CAMKMT: variants seen among roughly 807,000 people sequenced by gnomAD.
The protein encoded by CAMKMT is calmodulin-lysine N-methyltransferase.
CAMKMT carries 53 observed loss-of-function variants against 48.0 expected under a neutral mutation model. The ratio of observed to expected loss-of-function variants is 1.10; its 90% confidence interval spans 0.89 to 1.39. The LOEUF (loss-of-function observed/expected upper bound fraction) is 1.39, where lower values mean the gene tolerates loss of function less well. Ranked by LOEUF, CAMKMT falls within the 40% of genes most tolerant of loss-of-function variation. CAMKMT has a pLI of 0.00. For missense variants in CAMKMT, 428 were observed against 402.7 expected, an observed-to-expected ratio of 1.06 and a Z score of -0.54; for synonymous variants, 165 against 152.3, an observed-to-expected ratio of 1.08 and a Z score of -0.61.
At chr2:44,416,305 A>G (rs549393546) in intron 3 of CAMKMT, among the ~76,000 whole-genome samples, 1 of 152,322 alleles carries the variant, frequency 6.6e-6, no homozygotes, top group Non-Finnish European at 1.5e-5. Context: ...ATCAGCTTTA[A>G]TGAGATATAA....
intron 9 of CAMKMT, among the ~76,000 whole-genome samples, chr2:44,756,540 G>A (rs1680388635): frequency 6.6e-6 from 1 of 151,928 alleles, no homozygotes; most frequent in Non-Finnish European, 1.5e-5. Flanking sequence ...AGGAGATCGA[G>A]ACCATCCTGG....
At chr2:44,722,983 C>T (rs1032770719) in intron 7 of CAMKMT, among the ~76,000 whole-genome samples, 1 of 152,182 alleles carries the variant, frequency 6.6e-6, no homozygotes, top group African/African-American at 2.4e-5. Context: ...CTCTTTTGGA[C>T]TCTGAAATAA....
chr2:44,485,724 T>C (rs887883369), intron 3 of CAMKMT, among the ~76,000 whole-genome samples: 2 of 152,164 alleles, frequency 1.3e-5, no homozygotes, highest in African/African-American at 2.4e-5. Context: ...GATATTATAA[T>C]CTGAAGGGAC....
At chr2:44,440,433 C>A (rs959567712) in intron 3 of CAMKMT, among the ~76,000 whole-genome samples, 10 of 152,098 alleles carry the variant, frequency 6.6e-5, no homozygotes, top group Non-Finnish European at 1.5e-4. Context: ...ATTTGAAAAC[C>A]AGATCCTACC....
intron 3 of CAMKMT, among the ~76,000 whole-genome samples, chr2:44,410,939 T>C (rs1301040452): frequency 6.6e-6 from 1 of 152,222 alleles, no homozygotes; most frequent in Non-Finnish European, 1.5e-5. Context: ...TTAAAAGTAA[T>C]TGATAGTTCT....
chr2:44,486,407 T>G (rs1669219751), intron 3 of CAMKMT, among the ~76,000 whole-genome samples: 1 of 152,236 alleles, frequency 6.6e-6, no homozygotes, highest in South Asian at 2.1e-4. Context: ...TTTGTTTGTT[T>G]GTTTTTTAGC....
intron 3 of CAMKMT, among the ~76,000 whole-genome samples, chr2:44,644,879 T>C (rs781360241): frequency 4.6e-5 from 7 of 152,226 alleles, no homozygotes; most frequent in Admixed American, 1.3e-4. Flanking sequence ...ATTTTTTTAA[T>C]TGTATGTGGT....
intron 7 of CAMKMT, among the ~76,000 whole-genome samples, chr2:44,733,283 GT>G (rs1239137862): frequency 6.6e-6 from 1 of 152,086 alleles, no homozygotes. Context: ...AAACAGAATG[GT>G]TTTTTAATGC....
intron 8 of CAMKMT, among the ~76,000 whole-genome samples, chr2:44,752,756 C>T (rs957909087): frequency 2.0e-5 from 3 of 152,202 alleles, no homozygotes; most frequent in Admixed American, 1.3e-4. Context: ...GCTGCATCCT[C>T]TGGAGAAGAA....
chr2:44,669,364 T>C (rs1216661290), intron 3 of CAMKMT, among the ~76,000 whole-genome samples: 1 of 152,206 alleles, frequency 6.6e-6, no homozygotes, highest in Non-Finnish European at 1.5e-5. Context: ...TTTTTTGCCA[T>C]TACAGACAAA....
intron 3 of CAMKMT, among the ~76,000 whole-genome samples, chr2:44,692,423 C>T (rs1296432807): frequency 1.3e-5 from 2 of 152,170 alleles, no homozygotes; most frequent in Non-Finnish European, 2.9e-5. Context: ...AGCCACCTGT[C>T]CCACTCCCAT....
chr2:44,510,646 C>T (rs566443817), intron 3 of CAMKMT, among the ~76,000 whole-genome samples: 51 of 152,316 alleles, frequency 3.3e-4, no homozygotes, highest in African/African-American at 1.2e-3. Flanking sequence ...CCATCGCCTA[C>T]ATTCTTTTTA....
chr2:44,498,286 G>A (rs1485925203), intron 3 of CAMKMT, among the ~76,000 whole-genome samples: 1 of 152,182 alleles, frequency 6.6e-6, no homozygotes, highest in Non-Finnish European at 1.5e-5. Flanking sequence ...TAGCTATTCA[G>A]TTTCTCAGTT....
intron 3 of CAMKMT, among the ~76,000 whole-genome samples, chr2:44,696,625 G>A (rs774964845): frequency 6.6e-6 from 1 of 152,028 alleles, no homozygotes; most frequent in Non-Finnish European, 1.5e-5. Flanking sequence ...AAAGCCAGGT[G>A]GAGTGACTAA....
intron 1 of CAMKMT, among the ~76,000 whole-genome samples, chr2:44,367,025 T>G (rs1431863831): frequency 6.6e-6 from 1 of 152,144 alleles, no homozygotes. Flanking sequence ...ATGCCCGGCC[T>G]GTTGCTGTGT....
intron 3 of CAMKMT, among the ~76,000 whole-genome samples, chr2:44,576,328 A>T (rs1050495203): frequency 5.8e-5 from 7 of 121,276 alleles, no homozygotes; most frequent in African/African-American, 2.5e-4. Flanking sequence ...AACTCTGTCT[A>T]AAAAAAAAAA....
chr2:44,511,934 T>C (rs1670584383), intron 3 of CAMKMT, among the ~76,000 whole-genome samples: 1 of 152,242 alleles, frequency 6.6e-6, no homozygotes, highest in South Asian at 2.1e-4. Flanking sequence ...TACTGTACTT[T>C]GTGCTTACCT....
chr2:44,475,703 A>G (rs1307970977), intron 3 of CAMKMT, among the ~76,000 whole-genome samples: 1 of 152,238 alleles, frequency 6.6e-6, no homozygotes, highest in Non-Finnish European at 1.5e-5. Context: ...TTCAAAAGGC[A>G]GAGGACTGTT....
chr2:44,511,033 G>T (rs1220272351), intron 3 of CAMKMT, among the ~76,000 whole-genome samples: 1 of 151,942 alleles, frequency 6.6e-6, no homozygotes, highest in African/African-American at 2.4e-5. Context: ...TAGAGACGGG[G>T]TTTCACCATA....
Sources: allele counts gnomAD v4.1 joint callset (sites outside exome capture counted in the v4.1 genomes callset), GRCh38; gene constraint gnomAD v4.1.1; transcripts MANE v1.5; gene names NCBI Gene and HGNC (gene_info 2026-07-23, HGNC 2026-07-21).